The following RHOT2 variants were observed in gnomAD, a reference collection of about 807,000 sequenced individuals.
RHOT2 encodes the protein mitochondrial Rho GTPase 2.
A neutral mutation model predicts 81.6 loss-of-function variants in RHOT2; 90 were observed. That is an observed-to-expected ratio of 1.10 (90% CI 0.93 to 1.31). The LOEUF (loss-of-function observed/expected upper bound fraction) is 1.31. Ranked by LOEUF, RHOT2 falls within the 40% of genes most tolerant of loss-of-function variation. RHOT2 has a pLI of 0.00. For missense variants in RHOT2, 1,014 were observed against 841.9 expected, an observed-to-expected ratio of 1.20 and a Z score of -2.53; for synonymous variants, 512 against 370.9, an observed-to-expected ratio of 1.38 and a Z score of -4.37.
In RHOT2 at chr16:673,651, G is replaced by T; in HGVS notation, c.*45G>T. 1.3e-6 allele frequency: 2 copies of T among 1,574,536 alleles called. No individual in the cohort carries two copies. The highest frequency in any genetic ancestry group is 1.7e-6 in the Non-Finnish European group (2 of 1,163,518). On this transcript the variant is annotated 3_prime_UTR_variant, in exon 19 of 19. Transcript: ENST00000315082. ...CCCTCCCCTGACCTGGGTGTGCCTC[G>T]CTGCTGGGGCTCTGCAGGGGCAGCA...
In RHOT2 at chr16:668,479, C is replaced by G. The variant is rs750831280; in HGVS notation, c.97-9C>G. 1 of 1,600,218 alleles carries G rather than the reference C, an allele frequency of 6.2e-7. No individual in the cohort carries two copies. The highest frequency in any genetic ancestry group is 1.7e-5 in the Admixed American group (1 of 59,032). On this transcript the variant is annotated splice_polypyrimidine_tract_variant and intron_variant, in intron 2 of 18. Transcript: ENST00000315082. ...GGGGGTCCCTGGTGAGCGCGCGGGT[C>G]CCTTGCAGGTCCCTCCCCGCGCGGA...
At position 672,535 on chromosome 16, in the gene RHOT2, T is replaced by C; in HGVS notation, c.1373T>C (p.Val458Ala). 1 of 1,612,570 alleles carries C rather than the reference T, an allele frequency of 6.2e-7. No individual in the cohort carries two copies. Among genetic ancestry groups the C allele is most frequent in the East Asian group, 2.2e-5 (1 of 44,864 alleles). Residue 458 changes from valine (V) to alanine (A), a missense_variant, in exon 16 of 19, where the codon GTG (valine) becomes GCG (alanine). Coordinates refer to ENST00000315082, the MANE Select transcript of RHOT2 (RefSeq NM_138769.3). Reference protein sequence around the residue: ...EQPPGYAIDTVQVNGQEKYLI... With the variant: ...EQPPGYAIDTAQVNGQEKYLI... Reference sequence around the variant, plus strand: ...CCTCCCGGCTACGCCATCGACACGGTGCAGGTCAATGGACAGGAGAAGTAC... The same window carrying C: ...CCTCCCGGCTACGCCATCGACACGGCGCAGGTCAATGGACAGGAGAAGTAC...
At chr16:669,175 G>C (rs1373800571) in intron 4 of RHOT2, 2 of 404,066 alleles carry the variant, frequency 4.9e-6, no homozygotes, top group Non-Finnish European at 9.1e-6. Flanking sequence ...GGAGGCAGGG[G>C]CCAAGGCGGC....
At position 673,985 on chromosome 16, in the gene RHOT2, G is replaced by A. The variant is rs1164840624; in HGVS notation, c.*379G>A. On this transcript the variant is annotated 3_prime_UTR_variant, in exon 19 of 19. Coordinates refer to ENST00000315082, the MANE Select transcript of RHOT2 (RefSeq NM_138769.3). ...CCTTTCCTGGTCCTAGGTGGCCAGTGGGTATGAGGAGGGCTGGAAGGCAGA... is the reference window on the plus strand; with the variant it reads ...CCTTTCCTGGTCCTAGGTGGCCAGTAGGTATGAGGAGGGCTGGAAGGCAGA... 6.9e-6 allele frequency: 3 copies of A among 432,618 alleles called. No homozygotes were observed. Among genetic ancestry groups the A allele is most frequent in the Middle Eastern group, 3.2e-4 (1 of 3,080 alleles). The allele number at this position is 432,618 out of a possible 1,614,324, so 26.8% of individuals were successfully genotyped here. A position where few individuals can be genotyped will look rare whatever the true frequency, so the allele number is the denominator to read the frequency against.
At chr16:669,783 G>A in intron 5 of RHOT2, 177 bp downstream of exon 5, 1 of 670,440 alleles carries the variant, frequency 1.5e-6, no homozygotes, top group South Asian at 1.8e-5. Context: ...CCCCTGAGAG[G>A]GTCTGGGGCG....
At position 668,209 on chromosome 16, in the gene RHOT2, G is replaced by A; in HGVS notation, c.10G>A (p.Asp4Asn). Residue 4 changes from aspartate (D) to asparagine (N), a missense_variant, in exon 1 of 19, where the codon GAC becomes AAC. Transcript: ENST00000315082. MRR[D>N]VRILLLGEAQ... Reference sequence around the variant, plus strand: ...GCTCCGGGCGGCAGCTATGAGGCGGGACGTGCGCATCCTGTTACTGGGCGA... The same window carrying A: ...GCTCCGGGCGGCAGCTATGAGGCGGAACGTGCGCATCCTGTTACTGGGCGA... 1.9e-6 allele frequency: 1 copy of A among 525,302 alleles called. No individual in the cohort carries two copies. Among genetic ancestry groups the A allele is most frequent in the Non-Finnish European group, 3.2e-6 (1 of 314,832 alleles). 32.5% of individuals were successfully genotyped at this position (525,302 alleles called of 1,614,324 possible). A position where few individuals can be genotyped will look rare whatever the true frequency, so the allele number is the denominator to read the frequency against.
Position 671,410 on chromosome 16 carries a change from G to C in RHOT2, c.869+207G>C, listed in dbSNP as rs546217643. On this transcript the variant is annotated intron_variant, in intron 11 of 18. Transcript: ENST00000315082. ...AGCATCCACAGAGCTCTGAGTCGGGGGGTGGGGGGGCTGGCCCTTTGCCAA... is the reference window on the plus strand; with the variant it reads ...AGCATCCACAGAGCTCTGAGTCGGGCGGTGGGGGGGCTGGCCCTTTGCCAA... 6.3e-4 allele frequency: 475 copies of C among 749,722 alleles called. 10 individuals are homozygous for C. The South Asian group carries it at 7.4e-3, about 12-fold the overall frequency. 46.4% of individuals were successfully genotyped at this position (749,722 alleles called of 1,614,324 possible).
chr16:668,427 G>T lies in RHOT2; in HGVS notation c.96+16G>T, dbSNP rs534868018. 9 of 1,542,400 alleles carry T rather than the reference G, an allele frequency of 5.8e-6. No homozygotes were observed. The South Asian group carries it at 7.2e-5, about 12-fold the overall frequency. Reference sequence around the variant, plus strand: ...CCCCGAGGAGGTAAGGGGCACGCCCGCCGCGGGGGTGGGAGCGGGCCCAGC... The same window carrying T: ...CCCCGAGGAGGTAAGGGGCACGCCCTCCGCGGGGGTGGGAGCGGGCCCAGC... On this transcript the variant is annotated intron_variant, in intron 2 of 18. Coordinates refer to ENST00000315082, the MANE Select transcript of RHOT2 (RefSeq NM_138769.3).
chr16:671,150 G>A lies in RHOT2; in HGVS notation c.816G>A (p.Arg272=). ...ACGAGACCACCTGGACCATCCTGCG[G>A]CGCTTCGGCTACAGCGATGCCCTGG... ...GRHETTWTIL[R]RFGYSDALEL... Residue 272 remains arginine (R), a synonymous_variant, in exon 11 of 19, where the codon CGG becomes CGA. Transcript: ENST00000315082. The A allele has an allele frequency of 6.3e-7, 1 of 1,599,548 alleles. No homozygotes were observed. Among genetic ancestry groups the A allele is most frequent in the South Asian group, 1.1e-5 (1 of 90,356 alleles).
chr16:672,274 G>A lies in RHOT2; in HGVS notation c.1216G>A (p.Asp406Asn). Residue 406 changes from aspartate to asparagine, a missense_variant, in exon 15 of 19, where the codon GAC becomes AAC. Transcript: ENST00000315082. ...CACAGTCACTCGTGAGAAGAGGCTGGACCAGGAGAAGGGACAGACGCAGCG... is the reference window on the plus strand; with the variant it reads ...CACAGTCACTCGTGAGAAGAGGCTGAACCAGGAGAAGGGACAGACGCAGCG... The part of the protein sequence containing the change: ...AITVTREKRL[D>N]QEKGQTQRSV... 6.2e-7 allele frequency: 1 copy of A among 1,611,994 alleles called. No homozygotes were observed. The highest frequency in any genetic ancestry group is 8.5e-7 in the Non-Finnish European group (1 of 1,179,454).
intron 16 of RHOT2, 44 bp from the exon 17 acceptor site, chr16:672,659 G>C: frequency 6.2e-7 from 1 of 1,611,312 alleles, no homozygotes; most frequent in Non-Finnish European, 8.5e-7. Flanking sequence ...GCCCTAGGGG[G>C]ACCGAGCCCC....
At chr16:670,055 C>T in intron 5 of RHOT2, 68 bp from the exon 6 acceptor site, 2 of 1,431,622 alleles carry the variant, frequency 1.4e-6, no homozygotes, top group Non-Finnish European at 1.9e-6. Context: ...CCCAGCCAGG[C>T]TCATGCTCCA....
intron 4 of RHOT2, 44 bp from the exon 5 acceptor site, chr16:669,509 G>T: frequency 6.2e-7 from 1 of 1,603,086 alleles, no homozygotes; most frequent in African/African-American, 1.3e-5. Context: ...CGTCGGTGGT[G>T]AGCCAGCAGC....
chr16:669,801 G>T (rs777727171), intron 5 of RHOT2, 195 bp downstream of exon 5: 157 of 643,352 alleles, frequency 2.4e-4, no homozygotes, highest in Non-Finnish European at 3.7e-4. Flanking sequence ...GCGTCCCGCA[G>T]TCTGAGCCAT....
rs762321475 is a variant in RHOT2, at chr16:670,907, C to T, written c.655C>T (p.His219Tyr). 2 of 1,571,228 alleles carry T rather than the reference C, an allele frequency of 1.3e-6. No homozygotes were observed. Among genetic ancestry groups the T allele is most frequent in the Admixed American group, 3.5e-5 (2 of 57,336 alleles). The change falls in exon 10 of 19, where the codon CAC becomes TAC. Residue 219 changes from histidine to tyrosine, a missense_variant. His to Tyr is a moderately conservative substitution (Grantham distance 83). Coordinates refer to ENST00000315082, the MANE Select transcript of RHOT2 (RefSeq NM_138769.3). The part of the protein sequence containing the change: ...LNAFQKSCFG[H>Y]PLAPQALEDV... ...TCGGAAGCAGAAATCCTGCTTTGGG[C>T]ACCCCCTGGCCCCGCAGGCCCTGGA...
Position 671,798 on chromosome 16 carries a change from T to TCACCTG in RHOT2, c.954+18_954+19insACCTGC, listed in dbSNP as rs1567250931. 2.6e-6 allele frequency: 4 copies of TCACCTG among 1,562,414 alleles called. No individual in the cohort carries two copies. The South Asian group carries it at 4.5e-5, about 18-fold the overall frequency. ...CACGACCAGGTGAGAGCATGGCGAG[T>TCACCTG]CCCCTGCCCCTGCCCCCGCCCCCTC... On this transcript the variant is annotated intron_variant, in intron 12 of 18. Transcript: ENST00000315082.
intron 2 of RHOT2, 38 bp downstream of exon 2, chr16:668,449 C>T: frequency 6.4e-7 from 1 of 1,574,680 alleles, no homozygotes; most frequent in Non-Finnish European, 8.6e-7. Flanking sequence ...GGAGCGGGCC[C>T]AGCCGGGGGT....
intron 4 of RHOT2, 107 bp from the exon 5 acceptor site, chr16:669,446 T>C: frequency 9.1e-7 from 1 of 1,101,426 alleles, no homozygotes; most frequent in Non-Finnish European, 1.3e-6. Context: ...CCATGCTACC[T>C]GTGAGCTTCT....
chr16:671,810 G>GCCCCTGGCCCCCC, intron 12 of RHOT2, 29 bp downstream of exon 12: 2 of 1,586,238 alleles, frequency 1.3e-6, no homozygotes, highest in Admixed American at 1.7e-5. Flanking sequence ...CCCTGCCCCT[G>GCCCCTGGCCCCCC]CCCCCGCCCC....
Sources: allele counts gnomAD v4.1 joint callset, GRCh38; gene constraint gnomAD v4.1.1; transcripts MANE v1.5; gene names NCBI Gene and HGNC (gene_info 2026-07-23, HGNC 2026-07-21).